Variants in ARHGEF3 observed in about 807,000 individuals in gnomAD.
ARHGEF3 encodes Rho guanine nucleotide exchange factor 3.
A neutral mutation model predicts 63.2 loss-of-function variants in ARHGEF3; 28 were observed. The ratio of observed to expected loss-of-function variants is 0.44; its 90% CI spans 0.33 to 0.61. ARHGEF3 has a LOEUF of 0.61. Among genes scored for constraint, ARHGEF3 ranks in the 20% least tolerant of loss-of-function variants. ARHGEF3 has a pLI of 0.03. For synonymous variants in ARHGEF3, 266 were observed against 254.2 expected, an observed-to-expected ratio of 1.05 and a Z score of -0.44; for missense variants, 533 against 659.3, an observed-to-expected ratio of 0.81 and a Z score of 2.10.
At chr3:57,033,560 A>G (rs975976344) in intron 2 of ARHGEF3, among the ~76,000 whole-genome samples, 23 of 151,546 alleles carry the variant, frequency 1.5e-4, no homozygotes, top group African/African-American at 5.4e-4. Flanking sequence ...AAAGGAAGAA[A>G]GGAAAGAGTG....
chr3:57,063,102 C>T (rs1452008424), intron 1 of ARHGEF3, among the ~76,000 whole-genome samples: 1 of 152,152 alleles, frequency 6.6e-6, no homozygotes, highest in African/African-American at 2.4e-5. Flanking sequence ...AAATGAGGGA[C>T]CAAGCTCTGC....
chr3:57,004,500 A>C (rs1347768895), intron 2 of ARHGEF3, among the ~76,000 whole-genome samples: 1 of 152,166 alleles, frequency 6.6e-6, no homozygotes. Flanking sequence ...TGTCTGGCCA[A>C]GGCCAGGCAC....
chr3:56,817,659 C>A (rs1277899197), intron 4 of ARHGEF3, among the ~76,000 whole-genome samples: 1 of 152,214 alleles, frequency 6.6e-6, no homozygotes, highest in Non-Finnish European at 1.5e-5. Context: ...TCCTCACAAC[C>A]TGCTGAAGAG....
upstream of ARHGEF3, among the ~76,000 whole-genome samples, chr3:56,802,660 G>A (rs563510812): frequency 1.6e-4 from 24 of 152,190 alleles, no homozygotes; most frequent in Admixed American, 1.4e-3. Context: ...CCTGACACTC[G>A]AGGGCAATCT....
intron 3 of ARHGEF3, among the ~76,000 whole-genome samples, chr3:56,900,853 T>A (rs767712324): frequency 6.6e-6 from 1 of 152,244 alleles, no homozygotes; most frequent in African/African-American, 2.4e-5. Context: ...CCTGCTTTTT[T>A]AAGGCCATTG....
At chr3:56,773,602 T>C (rs1235430757) in intron 2 of ARHGEF3, 107 bp downstream of exon 2, 4 of 948,762 alleles carry the variant, frequency 4.2e-6, no homozygotes, top group African/African-American at 1.7e-5. Context: ...GAAATAAGCA[T>C]TGATTCAGGT....
At position 56,982,720 on chromosome 3, in the gene ARHGEF3, G is replaced by A. The variant is rs543916568; in HGVS notation, c.63-23831C>T. ...TGAATGAATGAGGAAATGGATGATG[G>A]AATGAGTGAGTGCCTAGTGTGCTCC... On this transcript the variant is annotated intron_variant, in intron 2 of 12. Transcript: ENST00000338458. Among the ~76,000 whole-genome samples the A allele has an allele frequency of 4.6e-5, 7 of 152,280 alleles. No individual in the cohort carries two copies. The East Asian group carries it at 1.4e-3, about 29-fold the overall frequency.
At chr3:56,734,983 C>A (rs1578364650) in intron 8 of ARHGEF3, among the ~76,000 whole-genome samples, 2 of 152,060 alleles carry the variant, frequency 1.3e-5, no homozygotes, top group East Asian at 3.9e-4. Flanking sequence ...GTCTGGGCAA[C>A]CTTTTAAAAA....
At chr3:56,919,984 T>C (rs1223058288) in intron 3 of ARHGEF3, among the ~76,000 whole-genome samples, 1 of 152,188 alleles carries the variant, frequency 6.6e-6, no homozygotes, top group African/African-American at 2.4e-5. Context: ...TCTGACATAT[T>C]AGAGCACAAA....
intron 1 of ARHGEF3, among the ~76,000 whole-genome samples, chr3:57,053,982 T>C (rs561668326): frequency 6.6e-6 from 1 of 152,360 alleles, no homozygotes; most frequent in East Asian, 1.9e-4. Flanking sequence ...ACAAGTCTTT[T>C]GGTGCTCAGA....
intron 4 of ARHGEF3, among the ~76,000 whole-genome samples, chr3:56,850,528 T>C (rs1347438991): frequency 6.6e-6 from 1 of 152,132 alleles, no homozygotes; most frequent in East Asian, 1.9e-4. Context: ...AACTCTTGTC[T>C]AAACAAAACA....
chr3:56,997,595 C>CG (rs1178806681), intron 2 of ARHGEF3, among the ~76,000 whole-genome samples: 2 of 152,204 alleles, frequency 1.3e-5, no homozygotes, highest in Non-Finnish European at 2.9e-5. Flanking sequence ...AGATCTACCC[C>CG]GGGCAGGTTG....
chr3:56,966,880 T>C (rs866591427), intron 2 of ARHGEF3, among the ~76,000 whole-genome samples: 1 of 150,696 alleles, frequency 6.6e-6, no homozygotes, highest in African/African-American at 2.4e-5. Context: ...TATTTTTTAT[T>C]GAGACAGAGT....
At chr3:56,760,557 G>A (rs2035360416) in intron 2 of ARHGEF3, among the ~76,000 whole-genome samples, 1 of 152,116 alleles carries the variant, frequency 6.6e-6, no homozygotes, top group Non-Finnish European at 1.5e-5. Context: ...TTGCCTACAC[G>A]TAGCACTTCT....
intron 1 of ARHGEF3, chr3:57,073,542 C>G: frequency 7.5e-7 from 1 of 1,329,074 alleles, no homozygotes; most frequent in Non-Finnish European, 1.0e-6. Context: ...TTTGAGCACC[C>G]CGGGATGATT....
At chr3:56,958,988 A>G (rs1700164691) in intron 2 of ARHGEF3, 2 of 1,274,430 alleles carry the variant, frequency 1.6e-6, no homozygotes, top group South Asian at 1.3e-5. Flanking sequence ...GAGATGCCTC[A>G]AGAAATGGCC....
chr3:56,887,058 C>G (rs1175480007), intron 3 of ARHGEF3, among the ~76,000 whole-genome samples: 1 of 152,204 alleles, frequency 6.6e-6, no homozygotes, highest in Non-Finnish European at 1.5e-5. Context: ...CACACACTGT[C>G]TAGACCAAAT....
intron 4 of ARHGEF3, among the ~76,000 whole-genome samples, chr3:56,808,436 G>A (rs887131775): frequency 1.3e-4 from 20 of 151,976 alleles, no homozygotes; most frequent in African/African-American, 9.7e-5. Context: ...AGAAATATCC[G>A]AAAAGTAGCT....
chr3:56,921,054 C>CAAAAAAA (rs34087284), intron 3 of ARHGEF3, among the ~76,000 whole-genome samples: 2 of 60,672 alleles, frequency 3.3e-5, no homozygotes, highest in African/African-American at 1.3e-4. Flanking sequence ...GACTCCATCT[C>CAAAAAAA]AAAAAAAAAA....
Sources: allele counts gnomAD v4.1 joint callset (sites outside exome capture counted in the v4.1 genomes callset), GRCh38; gene constraint gnomAD v4.1.1; transcripts MANE v1.5; gene names NCBI Gene and HGNC (gene_info 2026-07-23, HGNC 2026-07-21).